The following EPB41L3 variants were observed in gnomAD, a reference collection of about 807,000 sequenced individuals.
EPB41L3 encodes the protein erythrocyte membrane protein band 4.1 like 3.
Under a neutral mutation model 127.1 loss-of-function variants are expected in EPB41L3, and 57 were observed. The observed-to-expected ratio is 0.45, with a 90% confidence interval of 0.36 to 0.56. The LOEUF (loss-of-function observed/expected upper bound fraction) is 0.56, where lower values mean the gene tolerates loss of function less well. EPB41L3 is among the 20% of genes least tolerant of loss of function. The probability of loss-of-function intolerance (pLI) is 0.00; values close to 1 mark genes in which losing one functional copy is unlikely to be tolerated. For missense variants in EPB41L3, 1,273 were observed against 1,372.2 expected (o/e 0.93, Z 1.14); for synonymous variants, 572 against 549.5 (o/e 1.04, Z -0.57).
intron 1 of EPB41L3, among the ~76,000 whole-genome samples, chr18:5,534,524 C>T (rs2093511442): frequency 6.6e-6 from 1 of 152,196 alleles, no homozygotes; most frequent in South Asian, 2.1e-4. Flanking sequence ...TGTTGTATAA[C>T]CACTGTGTCT....
intron 3 of EPB41L3, among the ~76,000 whole-genome samples, chr18:5,583,459 A>G (rs929375011): frequency 1.3e-5 from 2 of 152,208 alleles, no homozygotes; most frequent in South Asian, 2.1e-4. Context: ...AGCACAATTC[A>G]AAATCAACAG....
rs2073851452 is a variant in EPB41L3 at position 5,397,933 on chromosome 18, A to ATGC, written c.2472+85_2472+87dup. 2.0e-6 allele frequency: 3 copies of ATGC among 1,529,554 alleles called. No homozygotes were observed. In the African/African-American group the frequency reaches 4.1e-5, roughly 21 times the overall value. 94.7% of individuals were successfully genotyped at this position (1,529,554 alleles called of 1,614,324 possible). On this transcript the variant is annotated intron_variant, in intron 17 of 22. Coordinates refer to ENST00000341928, the MANE Select transcript of EPB41L3 (RefSeq NM_012307.5). This position sits in a 1 kb window ranked among gnomAD's most constrained non-coding sequence, Gnocchi z 4.1. ...AGATGTTGAAGGCAAAGCCAGCTGG[A>ATGC]TGCAACCACACACTCACGCCCAAAA...
At chr18:5,516,254 C>G (rs2092746855) in intron 1 of EPB41L3, among the ~76,000 whole-genome samples, 1 of 152,174 alleles carries the variant, frequency 6.6e-6, no homozygotes, top group Non-Finnish European at 1.5e-5. Context: ...AAGGGCTCAT[C>G]TAATTGGCAG....
rs2093822391 is a variant in EPB41L3, at chr18:5,543,817, C to T, written c.-12+96G>A. The T allele has an allele frequency of 2.1e-6, 2 of 935,296 alleles. No individual in the cohort carries two copies. Among genetic ancestry groups the T allele is most frequent in the African/African-American group, 3.6e-5 (2 of 56,132 alleles). The allele number at this position is 935,296 out of a possible 1,614,324, so 57.9% of individuals were successfully genotyped here. A position where few individuals can be genotyped will look rare whatever the true frequency, so the allele number is the denominator to read the frequency against. ...CGAAGCCACGCGTCAGCCCCACTGTCCCGCGCGCCTCGCCCCAGGCCTCGG... is the reference window on the plus strand; with the variant it reads ...CGAAGCCACGCGTCAGCCCCACTGTTCCGCGCGCCTCGCCCCAGGCCTCGG... On this transcript the variant is annotated intron_variant, in intron 1 of 22. Coordinates refer to ENST00000341928, the MANE Select transcript of EPB41L3 (RefSeq NM_012307.5). This position sits in a 1 kb window ranked among gnomAD's most constrained non-coding sequence, Gnocchi z 5.2.
At chr18:5,539,858 C>T (rs1428354759) in intron 1 of EPB41L3, among the ~76,000 whole-genome samples, 6 of 152,124 alleles carry the variant, frequency 3.9e-5, no homozygotes, top group Non-Finnish European at 2.9e-5. Context: ...ATAATTAGTA[C>T]ATAAAACAAA....
intron 5 of EPB41L3, among the ~76,000 whole-genome samples, chr18:5,442,744 T>G (rs2146235989): frequency 6.6e-6 from 1 of 152,324 alleles, no homozygotes; most frequent in Middle Eastern, 3.4e-3. Context: ...GTATCCATGT[T>G]TGCGGCAAAA....
chr18:5,515,908 A>C (rs2092730577), intron 1 of EPB41L3, among the ~76,000 whole-genome samples: 1 of 152,238 alleles, frequency 6.6e-6, no homozygotes, highest in Non-Finnish European at 1.5e-5. Context: ...GACCTGCTGC[A>C]ATGGGAGAGG....
intron 12 of EPB41L3, among the ~76,000 whole-genome samples, chr18:5,416,992 T>TG (rs2076908472): frequency 6.6e-6 from 1 of 152,180 alleles, no homozygotes; most frequent in African/African-American, 2.4e-5. Flanking sequence ...GATTCGACAG[T>TG]TAGCATTTCT....
chr18:5,400,642 C>T (rs188063811), intron 16 of EPB41L3: 456 of 477,412 alleles, frequency 9.6e-4, no homozygotes, highest in African/African-American at 8.4e-3. Context: ...AATCAGTCAA[C>T]TTCATCTAAA....
intron 5 of EPB41L3, among the ~76,000 whole-genome samples, chr18:5,439,896 A>T (rs900045110): frequency 6.6e-6 from 1 of 152,210 alleles, no homozygotes; most frequent in Non-Finnish European, 1.5e-5. Context: ...CTCTTTTATA[A>T]TTTTTATTCA....
chr18:5,413,267 T>C (rs2076415471), intron 13 of EPB41L3, among the ~76,000 whole-genome samples: 1 of 152,160 alleles, frequency 6.6e-6, no homozygotes, highest in Admixed American at 6.5e-5. Context: ...TTTTATGGTT[T>C]GGGGAGGTAA....
chr18:5,529,074 G>A (rs897293336), intron 1 of EPB41L3: 10 of 152,192 alleles, frequency 6.6e-5, no homozygotes, highest in African/African-American at 2.2e-4. Flanking sequence ...GAATTAAACA[G>A]CTGTCATCAC....
chr18:5,536,596 T>C (rs1364745529), intron 1 of EPB41L3, among the ~76,000 whole-genome samples: 14 of 150,316 alleles, frequency 9.3e-5, no homozygotes, highest in Non-Finnish European at 5.9e-5. Context: ...GAGGTCAGGA[T>C]CATTCGAGAC....
chr18:5,431,328 C>G (rs942458067), intron 8 of EPB41L3: 1 of 152,182 alleles, frequency 6.6e-6, no homozygotes, highest in Admixed American at 6.5e-5. Flanking sequence ...TCGCTCATAA[C>G]CGGAGATTAG....
intron 3 of EPB41L3, among the ~76,000 whole-genome samples, chr18:5,581,777 G>T (rs2094395864): frequency 6.6e-6 from 1 of 152,158 alleles, no homozygotes; most frequent in Non-Finnish European, 1.5e-5. Context: ...TGGGTGGATT[G>T]CTTGAGCCCA....
At chr18:5,538,819 C>A (rs1467806726) in intron 1 of EPB41L3, among the ~76,000 whole-genome samples, 1 of 152,102 alleles carries the variant, frequency 6.6e-6, no homozygotes, top group African/African-American at 2.4e-5. Flanking sequence ...TTGGTACCTG[C>A]AGAATTCTCT....
At chr18:5,506,902 C>A (rs1051967139) in intron 1 of EPB41L3, among the ~76,000 whole-genome samples, 5 of 152,078 alleles carry the variant, frequency 3.3e-5, no homozygotes, top group African/African-American at 1.2e-4. Flanking sequence ...AATTTCTGGG[C>A]AAAATGACAC....
At chr18:5,502,957 G>A (rs760141640) in intron 1 of EPB41L3, among the ~76,000 whole-genome samples, 1 of 152,054 alleles carries the variant, frequency 6.6e-6, no homozygotes, top group East Asian at 1.9e-4. Context: ...TCAAGCCCAC[G>A]GTTTTCCACA....
chr18:5,589,558 C>T (rs992202813), intron 3 of EPB41L3, among the ~76,000 whole-genome samples: 4 of 152,200 alleles, frequency 2.6e-5, no homozygotes, highest in South Asian at 2.1e-4. Context: ...TCAGTGTAGT[C>T]TTATCCAAAT....
Sources: gnomAD v4.1 joint callset for allele counts (sites outside exome capture counted in the v4.1 genomes callset) on GRCh38, gnomAD v4.1.1 for gene constraint, Gnocchi (gnomAD v3.1) non-coding constraint, MANE v1.5 for transcripts, NCBI Gene and HGNC (gene_info 2026-07-23, HGNC 2026-07-21) for gene names.